The following SFXN1 variants were observed in gnomAD, a reference collection of about 807,000 sequenced individuals.
SFXN1 encodes the protein sideroflexin 1.
A neutral mutation model predicts 39.5 loss-of-function variants in SFXN1; 32 were observed. That is an observed-to-expected ratio of 0.81 (90% CI 0.61 to 1.09). The LOEUF is 1.09. SFXN1 is among the 50% of genes least tolerant of loss of function. The pLI is 0.00. For missense variants in SFXN1, 402 were observed against 407.1 expected (o/e 0.99, Z 0.11); for synonymous variants, 136 against 146.5 (o/e 0.93, Z 0.52).
chr5:175,517,232 A>G (rs1373094031), intron 8 of SFXN1, among the ~76,000 whole-genome samples: 1 of 152,220 alleles, frequency 6.6e-6, no homozygotes, highest in Non-Finnish European at 1.5e-5. Flanking sequence ...GCATTGTTCC[A>G]GGCTGTTACA....
At chr5:175,506,061 G>C (rs1400599034) in intron 2 of SFXN1, among the ~76,000 whole-genome samples, 2 of 152,114 alleles carry the variant, frequency 1.3e-5, no homozygotes, top group East Asian at 1.9e-4. Flanking sequence ...CAGGTGATCT[G>C]CCCGTCTCGG....
chr5:175,483,067 A>G (rs1217574302), intron 1 of SFXN1, among the ~76,000 whole-genome samples: 1 of 152,214 alleles, frequency 6.6e-6, no homozygotes, highest in Non-Finnish European at 1.5e-5. Flanking sequence ...TATTGGGATG[A>G]GGCTCCATGA....
chr5:175,486,287 G>A (rs1759446735), intron 1 of SFXN1, among the ~76,000 whole-genome samples: 1 of 152,172 alleles, frequency 6.6e-6, no homozygotes, highest in Non-Finnish European at 1.5e-5. Context: ...GCTGGCCAGT[G>A]CCCTGGAGGC....
chr5:175,517,646 T>G (rs918090868), intron 8 of SFXN1, among the ~76,000 whole-genome samples: 1 of 152,164 alleles, frequency 6.6e-6, no homozygotes, highest in South Asian at 2.1e-4. Context: ...ATTTCACCCA[T>G]GTAGAGAGGA....
chr5:175,500,897 T>C (rs1760051121), intron 2 of SFXN1, among the ~76,000 whole-genome samples: 1 of 152,108 alleles, frequency 6.6e-6, no homozygotes, highest in Non-Finnish European at 1.5e-5. Flanking sequence ...CAATGAATAG[T>C]TCTGGAAAAA....
chr5:175,484,399 C>T (rs1333714588), intron 1 of SFXN1, among the ~76,000 whole-genome samples: 1 of 152,224 alleles, frequency 6.6e-6, no homozygotes, highest in African/African-American at 2.4e-5. Flanking sequence ...CCGCAGCAGT[C>T]CCGCCCCACA....
chr5:175,512,893 A>T (rs986743278), intron 6 of SFXN1, among the ~76,000 whole-genome samples: 3 of 152,164 alleles, frequency 2.0e-5, no homozygotes, highest in Non-Finnish European at 4.4e-5. Flanking sequence ...TAGTGTGTCC[A>T]CCCTTTGAAT....
At chr5:175,492,372 A>G (rs536117951) in intron 2 of SFXN1, 105 bp downstream of exon 2, 2 of 1,080,424 alleles carry the variant, frequency 1.9e-6, no homozygotes, top group East Asian at 2.8e-5. Flanking sequence ...TTTTTTTGCA[A>G]TGGAATTCTT....
intron 2 of SFXN1, among the ~76,000 whole-genome samples, chr5:175,500,740 G>A (rs1227602049): frequency 6.6e-6 from 1 of 152,152 alleles, no homozygotes; most frequent in African/African-American, 2.4e-5. Flanking sequence ...TAAAGCTCTC[G>A]TAGTAACGAC....
intron 1 of SFXN1, among the ~76,000 whole-genome samples, chr5:175,485,348 G>A (rs533884003): frequency 6.6e-6 from 1 of 152,188 alleles, no homozygotes; most frequent in Non-Finnish European, 1.5e-5. Context: ...GAACAAGTGG[G>A]CCTTCCTTCT....
intron 1 of SFXN1, chr5:175,491,348 C>G (rs985770291): frequency 1.3e-5 from 2 of 151,910 alleles, no homozygotes; most frequent in Non-Finnish European, 2.9e-5. Flanking sequence ...GCATTTAAAC[C>G]TTTTTTTAAT....
At chr5:175,520,037 T>G (rs1217021023) in intron 8 of SFXN1, among the ~76,000 whole-genome samples, 1 of 151,582 alleles carries the variant, frequency 6.6e-6, no homozygotes, top group Non-Finnish European at 1.5e-5. Flanking sequence ...GCCTAGCTAA[T>G]TTTTGTATTT....
chr5:175,510,228 C>A lies in SFXN1; in HGVS notation c.434+21C>A, dbSNP rs760714561. 7.6e-6 allele frequency: 12 copies of A among 1,573,844 alleles called. No individual in the cohort carries two copies. The South Asian group carries it at 1.2e-4, about 16-fold the overall frequency. ...GTCAAGTAAGGCTACGAGAATTGACCACTCTCTGCAGTTCTTCAACCTTCA... is the reference window on the plus strand; with the variant it reads ...GTCAAGTAAGGCTACGAGAATTGACAACTCTCTGCAGTTCTTCAACCTTCA... On this transcript the variant is annotated intron_variant, in intron 4 of 10. Transcript: ENST00000321442.
chr5:175,495,728 C>A (rs1284004649), intron 2 of SFXN1, among the ~76,000 whole-genome samples: 55 of 139,560 alleles, frequency 3.9e-4, no homozygotes, highest in South Asian at 4.7e-4. Context: ...GACTTCGTCT[C>A]AAAAAAAAAA....
chr5:175,509,058 C>G lies in SFXN1; in HGVS notation c.191C>G (p.Thr64Arg), dbSNP rs761537464. ...YRQGIVPPGL[T>R]ENELWRAKYI... ...CAAGGAATTGTTCCTCCTGGTCTTA[C>G]AGAAAATGAATTGTGGAGAGCAAAG... Residue 64 changes from threonine (T) to arginine (R), a missense_variant, in exon 3 of 11, where the codon ACA (threonine) becomes AGA (arginine). Transcript: ENST00000321442. The G allele has an allele frequency of 1.2e-6, 2 of 1,609,372 alleles. No individual in the cohort carries two copies. Among genetic ancestry groups the G allele is most frequent in the South Asian group, 2.2e-5 (2 of 90,036 alleles).
intron 2 of SFXN1, among the ~76,000 whole-genome samples, chr5:175,500,059 A>G (rs762526557): frequency 2.2e-4 from 34 of 152,266 alleles, no homozygotes; most frequent in Non-Finnish European, 4.1e-4. Flanking sequence ...CTGGTGGTGC[A>G]TGCCTGTAAT....
At chr5:175,494,786 C>T (rs577769715) in intron 2 of SFXN1, among the ~76,000 whole-genome samples, 2 of 151,158 alleles carry the variant, frequency 1.3e-5, no homozygotes, top group South Asian at 2.1e-4. Flanking sequence ...GTAAAATATG[C>T]AAGTGCATCA....
At chr5:175,508,895 A>G in intron 2 of SFXN1, 137 bp from the exon 3 acceptor site, 2 of 696,942 alleles carry the variant, frequency 2.9e-6, no homozygotes, top group African/African-American at 1.8e-5. Flanking sequence ...TCAGCCTCCC[A>G]AAGTGCTGGG....
At chr5:175,501,340 T>C (rs1295395768) in intron 2 of SFXN1, among the ~76,000 whole-genome samples, 1 of 152,150 alleles carries the variant, frequency 6.6e-6, no homozygotes, top group Admixed American at 6.5e-5. Context: ...AGTGCTGGGA[T>C]TACAAGTGGG....
Sources: gnomAD v4.1 joint callset for allele counts (sites outside exome capture counted in the v4.1 genomes callset) on GRCh38, gnomAD v4.1.1 for gene constraint, MANE v1.5 for transcripts, NCBI Gene and HGNC (gene_info 2026-07-23, HGNC 2026-07-21) for gene names.